LPAR1: variants seen among roughly 807,000 people sequenced by gnomAD.
The protein encoded by LPAR1 is LPA receptor 1.
Under a neutral mutation model 23.8 loss-of-function variants are expected in LPAR1, and 5 were observed. The observed-to-expected ratio is 0.21, with a 90% CI of 0.11 to 0.44. The LOEUF is 0.44. Among genes scored for constraint, LPAR1 ranks in the 20% least tolerant of loss-of-function variants. The probability of loss-of-function intolerance (pLI) is 0.99; values close to 1 mark genes in which losing one functional copy is unlikely to be tolerated. For missense variants in LPAR1, 311 were observed against 482.8 expected, an observed-to-expected ratio of 0.64 and a Z score of 3.33; for synonymous variants, 160 against 164.7, an observed-to-expected ratio of 0.97 and a Z score of 0.22.
At chr9:110,931,171 G>C (rs2094392005) in intron 5 of LPAR1, among the ~76,000 whole-genome samples, 1 of 152,104 alleles carries the variant, frequency 6.6e-6, no homozygotes, top group Non-Finnish European at 1.5e-5. Flanking sequence ...GGCTTACTTA[G>C]CAAACTTCTA....
intron 2 of LPAR1, among the ~76,000 whole-genome samples, chr9:111,002,532 A>C (rs544427336): frequency 6.6e-6 from 1 of 152,348 alleles, no homozygotes; most frequent in South Asian, 2.1e-4. Flanking sequence ...ATGTGGGAAC[A>C]TATTTCTGAA....
intron 2 of LPAR1, among the ~76,000 whole-genome samples, chr9:110,973,936 C>T (rs987987580): frequency 1.3e-5 from 2 of 152,092 alleles, no homozygotes; most frequent in African/African-American, 4.8e-5. Context: ...TTTGGGAGGC[C>T]AGTGGGGGCA....
chr9:110,997,529 T>C (rs2097038288), intron 2 of LPAR1, among the ~76,000 whole-genome samples: 1 of 152,188 alleles, frequency 6.6e-6, no homozygotes, highest in Non-Finnish European at 1.5e-5. Flanking sequence ...CAACTCTCAA[T>C]GAAAGCTGAA....
intron 2 of LPAR1, among the ~76,000 whole-genome samples, chr9:110,987,823 C>T (rs2096819781): frequency 6.6e-6 from 1 of 151,660 alleles, no homozygotes; most frequent in Non-Finnish European, 1.5e-5. Flanking sequence ...TAACTGGAGT[C>T]CCCAAAGCAA....
intron 2 of LPAR1, among the ~76,000 whole-genome samples, chr9:110,994,755 A>G (rs1444940557): frequency 6.6e-6 from 1 of 152,232 alleles, no homozygotes; most frequent in Non-Finnish European, 1.5e-5. Flanking sequence ...CCATAAGAAT[A>G]GACATCCCCA....
chr9:110,941,329 T>A lies in LPAR1; in HGVS notation c.793+92A>T, dbSNP rs2095087162. 2 of 1,171,034 alleles carry A rather than the reference T, an allele frequency of 1.7e-6. No individual in the cohort carries two copies. Among genetic ancestry groups the A allele is most frequent in the South Asian group, 3.0e-5 (2 of 67,332 alleles). 72.5% of individuals were successfully genotyped at this position (1,171,034 alleles called of 1,614,324 possible). On this transcript the variant is annotated intron_variant, in intron 5 of 5. Transcript: ENST00000683809. This position sits in a 1 kb window ranked among gnomAD's most constrained non-coding sequence, Gnocchi z 6.1. Reference sequence around the variant, plus strand: ...TCCTGGTGAATTACCTGGTGAATATTCATACTGTTGGTTACCTCTGACATA... The same window carrying A: ...TCCTGGTGAATTACCTGGTGAATATACATACTGTTGGTTACCTCTGACATA...
chr9:110,937,168 A>C (rs965305040), intron 5 of LPAR1, among the ~76,000 whole-genome samples: 1 of 152,190 alleles, frequency 6.6e-6, no homozygotes, highest in Admixed American at 6.5e-5. Flanking sequence ...AAAGGAAGAA[A>C]AGATTGCTCC....
chr9:111,033,193 C>T (rs1320863967), intron 2 of LPAR1, among the ~76,000 whole-genome samples: 2 of 152,152 alleles, frequency 1.3e-5, no homozygotes, highest in Non-Finnish European at 2.9e-5. Flanking sequence ...GTTTCTATAG[C>T]ACTGATTAGA....
chr9:110,994,614 G>A (rs1467571598), intron 2 of LPAR1, among the ~76,000 whole-genome samples: 1 of 152,120 alleles, frequency 6.6e-6, no homozygotes, highest in Non-Finnish European at 1.5e-5. Flanking sequence ...TACTGTACTT[G>A]CAACTTTTCT....
intron 5 of LPAR1, among the ~76,000 whole-genome samples, chr9:110,892,077 T>C (rs1170337856): frequency 1.3e-5 from 2 of 152,270 alleles, no homozygotes; most frequent in South Asian, 2.1e-4. Context: ...CACACAAAGA[T>C]GTGTAGGAAA....
At chr9:110,963,506 T>C (rs1384922138) in intron 4 of LPAR1, among the ~76,000 whole-genome samples, 1 of 152,140 alleles carries the variant, frequency 6.6e-6, no homozygotes, top group East Asian at 1.9e-4. Context: ...AGACCATATG[T>C]AGTGGTTACC....
chr9:110,934,229 T>C (rs938276332), intron 5 of LPAR1, among the ~76,000 whole-genome samples: 4 of 152,192 alleles, frequency 2.6e-5, no homozygotes, highest in South Asian at 2.1e-4. Flanking sequence ...AGACTCTGTG[T>C]CCATTCCCTG....
At chr9:110,945,082 G>T (rs1374810338) in intron 4 of LPAR1, among the ~76,000 whole-genome samples, 3 of 152,198 alleles carry the variant, frequency 2.0e-5, no homozygotes, top group Non-Finnish European at 2.9e-5. Flanking sequence ...GGACTGAACT[G>T]ATAGAGGAAT....
intron 5 of LPAR1, among the ~76,000 whole-genome samples, chr9:110,905,677 A>C (rs2766987): frequency 0.044 from 6,750 of 152,284 alleles, 218 homozygotes; most frequent in South Asian, 0.073. Flanking sequence ...AATAAGTATA[A>C]ACACCTTAAT....
At chr9:110,927,868 G>A (rs745408912) in intron 5 of LPAR1, among the ~76,000 whole-genome samples, 20 of 151,986 alleles carry the variant, frequency 1.3e-4, no homozygotes, top group Non-Finnish European at 2.5e-4. Flanking sequence ...TCTGAAACTC[G>A]TAGCAAACTA....
intron 4 of LPAR1, among the ~76,000 whole-genome samples, chr9:110,943,073 GTT>G (rs2095222155): frequency 6.8e-6 from 1 of 146,920 alleles, no homozygotes; most frequent in East Asian, 2.0e-4. Flanking sequence ...AATAATATAT[GTT>G]TATTTATCTA....
chr9:110,935,644 CAG>C (rs2094654139), intron 5 of LPAR1, among the ~76,000 whole-genome samples: 2 of 152,220 alleles, frequency 1.3e-5, no homozygotes, highest in African/African-American at 4.8e-5. Context: ...AAAGAACAAA[CAG>C]AGAGCAGAGC....
At chr9:110,970,498 G>A (rs988856751) in intron 4 of LPAR1, among the ~76,000 whole-genome samples, 2 of 151,866 alleles carry the variant, frequency 1.3e-5, no homozygotes, top group African/African-American at 4.8e-5. Flanking sequence ...TAAACATTCT[G>A]GAAAATAATA....
chr9:111,036,613 C>T (rs1000174195), intron 1 of LPAR1, among the ~76,000 whole-genome samples: 1 of 152,096 alleles, frequency 6.6e-6, no homozygotes, highest in Non-Finnish European at 1.5e-5. Flanking sequence ...GATGGGGAGA[C>T]GGAGACCAGG....
Sources: allele counts gnomAD v4.1 joint callset (sites outside exome capture counted in the v4.1 genomes callset), GRCh38; gene constraint gnomAD v4.1.1; non-coding constraint Gnocchi (gnomAD v3.1); transcripts MANE v1.5; gene names NCBI Gene and HGNC (gene_info 2026-07-23, HGNC 2026-07-21).